DOP1B: variants seen among roughly 807,000 people sequenced by gnomAD.
DOP1B encodes DOP1 leucine zipper like protein B.
Under a neutral mutation model 233.5 loss-of-function variants are expected in DOP1B, and 174 were observed. The observed-to-expected ratio is 0.75, with a 90% CI of 0.66 to 0.85. The LOEUF (loss-of-function observed/expected upper bound fraction) is 0.85. Among genes scored for constraint, DOP1B ranks in the 40% least tolerant of loss-of-function variants. DOP1B has a pLI of 0.00. For missense variants in DOP1B, 2,652 were observed against 2,846.6 expected (o/e 0.93, Z 1.56); for synonymous variants, 1,190 against 1,185.6 (o/e 1.00, Z -0.08).
intron 4 of DOP1B, 82 bp downstream of exon 4, chr21:36,200,583 C>T: frequency 1.4e-6 from 2 of 1,478,490 alleles, no homozygotes; most frequent in Non-Finnish European, 1.8e-6. Flanking sequence ...GTGGCTCACG[C>T]CTGTAATCCC....
intron 9 of DOP1B, 121 bp from the exon 10 acceptor site, chr21:36,219,251 C>T (rs2066596598): frequency 7.9e-7 from 1 of 1,271,048 alleles, no homozygotes. Flanking sequence ...ATATTTTAGA[C>T]TATATAAAAT....
chr21:36,237,555 C>T (rs11702671), intron 16 of DOP1B, 141 bp downstream of exon 16: 1 of 1,148,018 alleles, frequency 8.7e-7, no homozygotes, highest in South Asian at 1.5e-5. Flanking sequence ...CAGAGGTGTT[C>T]TAGGATTTCA....
At chr21:36,181,601 A>C (rs1053456132) in intron 2 of DOP1B, among the ~76,000 whole-genome samples, 7 of 152,182 alleles carry the variant, frequency 4.6e-5, no homozygotes, top group African/African-American at 1.7e-4. Flanking sequence ...CTTCTTGAAC[A>C]CGTGGCTTTC....
chr21:36,228,906 G>T (rs1266618691), intron 13 of DOP1B, among the ~76,000 whole-genome samples: 1 of 152,166 alleles, frequency 6.6e-6, no homozygotes, highest in South Asian at 2.1e-4. Context: ...AACAGGTTGA[G>T]GCTGCAGTGA....
At chr21:36,187,985 T>C (rs1199664283) in intron 2 of DOP1B, among the ~76,000 whole-genome samples, 1 of 152,122 alleles carries the variant, frequency 6.6e-6, no homozygotes. Context: ...TCAAGCAGCA[T>C]GGTAATTTTA....
At chr21:36,266,082 T>G (rs1008843449) in intron 26 of DOP1B, among the ~76,000 whole-genome samples, 2 of 152,230 alleles carry the variant, frequency 1.3e-5, no homozygotes, top group African/African-American at 2.4e-5. Context: ...AGACCAGCTC[T>G]AAACTGGGGT....
rs1198048797 is a variant in DOP1B at position 36,251,214 on chromosome 21, G to A, written c.5051G>A (p.Gly1684Glu). 1.9e-6 allele frequency: 3 copies of A among 1,614,000 alleles called. No homozygotes were observed. The Admixed American group carries it at 5.0e-5, about 27-fold the overall frequency. Reference sequence around the variant, plus strand: ...TTAAACCCCTTGACGGCCCATCTTGGGGTTCAGTTGACAGCGGCTGTTGCG... The same window carrying A: ...TTAAACCCCTTGACGGCCCATCTTGAGGTTCAGTTGACAGCGGCTGTTGCG... ...DFLNPLTAHL[G>E]VQLTAAVAAV... Residue 1684 changes from glycine (G) to glutamate (E), a missense_variant, in exon 22 of 37, where the codon GGG becomes GAG. By Grantham distance (98) the Gly-to-Glu change is moderately conservative. This residue lies in a region of DOP1B where 2,617 missense variants were observed against 2,794.3 expected (regional missense o/e 0.94). Coordinates refer to ENST00000691173, the MANE Select transcript of DOP1B (RefSeq NM_001320714.2).
At chr21:36,226,212 G>T (rs2066680678) in intron 12 of DOP1B, among the ~76,000 whole-genome samples, 3 of 152,098 alleles carry the variant, frequency 2.0e-5, no homozygotes, top group African/African-American at 7.2e-5. Flanking sequence ...CCAGGAATTT[G>T]AGACCAGCCT....
chr21:36,176,192 G>A (rs1031945340), intron 2 of DOP1B, among the ~76,000 whole-genome samples: 5 of 151,866 alleles, frequency 3.3e-5, no homozygotes, highest in Admixed American at 1.3e-4. Flanking sequence ...CCCCTCCACC[G>A]CATGCCAAGA....
intron 4 of DOP1B, 30 bp downstream of exon 4, chr21:36,200,531 T>C (rs777818707): frequency 1.3e-6 from 2 of 1,578,234 alleles, no homozygotes; most frequent in Non-Finnish European, 8.6e-7. Flanking sequence ...AGGCTGTGTT[T>C]ACTCCACTGC....
intron 12 of DOP1B, among the ~76,000 whole-genome samples, chr21:36,226,683 T>C (rs1043169343): frequency 1.2e-4 from 19 of 152,124 alleles, no homozygotes. Context: ...AGCCTCATCC[T>C]CCCAGGCTCA....
chr21:36,172,307 G>T (rs2065978636), intron 2 of DOP1B, among the ~76,000 whole-genome samples: 1 of 152,196 alleles, frequency 6.6e-6, no homozygotes, highest in Non-Finnish European at 1.5e-5. Context: ...CAGTGTGGAT[G>T]CCCGCACCAT....
chr21:36,238,243 G>C (rs916498600), intron 16 of DOP1B, among the ~76,000 whole-genome samples: 5 of 152,000 alleles, frequency 3.3e-5, no homozygotes, highest in African/African-American at 1.2e-4. Flanking sequence ...TATCGTCCTG[G>C]GTCTCCTTTC....
At chr21:36,169,930 A>G (rs1344535239) in intron 2 of DOP1B, 2 of 771,048 alleles carry the variant, frequency 2.6e-6, no homozygotes, top group African/African-American at 1.7e-5. Context: ...CACAACCACC[A>G]TAGGTGGTGT....
In DOP1B at chr21:36,233,073, C is replaced by T. The variant is rs1266356114; in HGVS notation, c.2620C>T (p.Gln874Ter). The T allele has an allele frequency of 6.2e-7, 1 of 1,613,842 alleles. No homozygotes were observed. Among genetic ancestry groups the T allele is most frequent in the Non-Finnish European group, 8.5e-7 (1 of 1,179,872 alleles). Residue 874 changes from glutamine (Q) to a stop codon, truncating the protein, a stop_gained and splice_region_variant, in exon 15 of 37, where the codon CAG becomes TAG. Transcript: ENST00000691173. LOFTEE classifies it high-confidence loss of function. ...CATTGCAGAGAAAACAGATTTCTAT[C>T]AGGTATTTCCCACTGGGAACACTCT... ...KVIAEKTDFY[Q>*]RVARVLWNQL...
chr21:36,204,958 A>G (rs929268036), intron 4 of DOP1B, among the ~76,000 whole-genome samples: 2 of 152,020 alleles, frequency 1.3e-5, no homozygotes, highest in African/African-American at 4.8e-5. Context: ...CCCAGCACCA[A>G]CATTTCTTTT....
At chr21:36,200,538 C>G (rs372225329) in intron 4 of DOP1B, 37 bp downstream of exon 4, 5 of 1,562,172 alleles carry the variant, frequency 3.2e-6, no homozygotes, top group Non-Finnish European at 4.3e-6. Context: ...GTTTACTCCA[C>G]TGCTTTATAA....
At chr21:36,287,281 C>A (rs1406586394) in intron 32 of DOP1B, among the ~76,000 whole-genome samples, 1 of 152,274 alleles carries the variant, frequency 6.6e-6, no homozygotes, top group South Asian at 2.1e-4. Context: ...TCCCACCCAC[C>A]ACCCTCAAAA....
At chr21:36,209,042 C>T (rs532473565) in intron 5 of DOP1B, 138 bp downstream of exon 5, 27 of 1,013,484 alleles carry the variant, frequency 2.7e-5, no homozygotes, top group African/African-American at 1.2e-4. Context: ...GGGTAACGAA[C>T]GGCTGAGCAA....
Sources: allele counts gnomAD v4.1 joint callset (sites outside exome capture counted in the v4.1 genomes callset), GRCh38; gene constraint gnomAD v4.1.1; regional missense constraint gnomAD v4.1.1; transcripts MANE v1.5; gene names NCBI Gene and HGNC (gene_info 2026-07-23, HGNC 2026-07-21).